The following ANKIB1 variants were observed in gnomAD, a reference collection of about 807,000 sequenced individuals.
ANKIB1 encodes the protein ankyrin repeat and IBR domain containing 1, also known as ankyrin repeat and IBR domain-containing protein 1.
ANKIB1 carries 43 observed loss-of-function variants against 122.1 expected under a neutral mutation model. That is an observed-to-expected ratio of 0.35 (90% CI 0.28 to 0.45). ANKIB1 has a LOEUF of 0.45. Among genes scored for constraint, ANKIB1 ranks in the 20% least tolerant of loss-of-function variants. The pLI is 1.00. For synonymous variants in ANKIB1, 390 were observed against 442.0 expected (o/e 0.88, Z 1.48); for missense variants, 992 against 1,329.5 (o/e 0.75, Z 3.95).
Position 92,371,570 on chromosome 7 carries a change from A to C in ANKIB1, c.1580A>C (p.Gln527Pro). The stretch of plus-strand genomic sequence containing the variant: ...TGTGCCAACTGTAAGTCTCCAATAC[A>C]GAAGAATGAAGGCTGCAATCACATG... ...KPCANCKSPI[Q>P]KNEGCNHMQC... Residue 527 changes from glutamine (Q) to proline (P), a missense_variant, in exon 11 of 20, where the codon CAG becomes CCG. Coordinates refer to ENST00000265742, the MANE Select transcript of ANKIB1 (RefSeq NM_019004.2). The C allele has an allele frequency of 6.2e-7, 1 of 1,605,468 alleles. No individual in the cohort carries two copies. Among genetic ancestry groups the C allele is most frequent in the Non-Finnish European group, 8.5e-7 (1 of 1,175,626 alleles).
chr7:92,277,100 G>C (rs1220556128), intron 1 of ANKIB1, among the ~76,000 whole-genome samples: 1 of 152,046 alleles, frequency 6.6e-6, no homozygotes, highest in East Asian at 1.9e-4. Flanking sequence ...TTTCCCTTCC[G>C]CCATGATTGT....
chr7:92,340,655 T>C (rs1043390592), intron 5 of ANKIB1, among the ~76,000 whole-genome samples: 6 of 152,242 alleles, frequency 3.9e-5, no homozygotes, highest in Non-Finnish European at 7.3e-5. Flanking sequence ...TATTAAAGTA[T>C]ACTGGATTTT....
At chr7:92,306,360 C>G (rs1802561879) in intron 2 of ANKIB1, among the ~76,000 whole-genome samples, 1 of 152,082 alleles carries the variant, frequency 6.6e-6, no homozygotes, top group South Asian at 2.1e-4. Flanking sequence ...CTAGGCACAA[C>G]TCTTAGATCT....
At chr7:92,346,567 A>G (rs1438678536) in intron 7 of ANKIB1, among the ~76,000 whole-genome samples, 3 of 152,352 alleles carry the variant, frequency 2.0e-5, no homozygotes, top group Admixed American at 6.5e-5. Context: ...GGATCAGATC[A>G]GTATAGCTGT....
intron 11 of ANKIB1, among the ~76,000 whole-genome samples, chr7:92,379,207 G>A (rs1221637547): frequency 1.3e-5 from 2 of 152,154 alleles, no homozygotes; most frequent in South Asian, 2.1e-4. Context: ...TGGCTAACAG[G>A]GTGAAACCCC....
At chr7:92,282,647 T>G (rs1802033733) in intron 1 of ANKIB1, among the ~76,000 whole-genome samples, 1 of 152,180 alleles carries the variant, frequency 6.6e-6, no homozygotes, top group Non-Finnish European at 1.5e-5. Flanking sequence ...AGCACCACAG[T>G]GTAAGAGCTT....
chr7:92,362,572 G>A (rs1404050503), intron 10 of ANKIB1, among the ~76,000 whole-genome samples: 3 of 152,072 alleles, frequency 2.0e-5, no homozygotes, highest in African/African-American at 7.2e-5. Flanking sequence ...TTTATCCTAG[G>A]GTGAGCCAAC....
At chr7:92,261,610 GA>G (rs1265612395) in intron 1 of ANKIB1, among the ~76,000 whole-genome samples, 1 of 152,090 alleles carries the variant, frequency 6.6e-6, no homozygotes, top group Non-Finnish European at 1.5e-5. Flanking sequence ...TATTCTCCAA[GA>G]AATGTTAATA....
chr7:92,392,545 T>A (rs567138344), intron 17 of ANKIB1, among the ~76,000 whole-genome samples: 1 of 152,116 alleles, frequency 6.6e-6, no homozygotes, highest in Non-Finnish European at 1.5e-5. Flanking sequence ...ATTTACAATA[T>A]ACATTTTTGG....
chr7:92,318,873 G>A (rs1287651064), intron 3 of ANKIB1, among the ~76,000 whole-genome samples: 1 of 152,132 alleles, frequency 6.6e-6, no homozygotes, highest in East Asian at 1.9e-4. Flanking sequence ...GTGTTTCACT[G>A]GATAATGAAT....
At chr7:92,339,270 C>T (rs912211999) in intron 5 of ANKIB1, among the ~76,000 whole-genome samples, 4 of 151,748 alleles carry the variant, frequency 2.6e-5, no homozygotes, top group African/African-American at 7.3e-5. Flanking sequence ...TCTTGATCTC[C>T]TGACCTGGTG....
chr7:92,396,624 T>G, intron 18 of ANKIB1, 148 bp downstream of exon 18: 1 of 597,140 alleles, frequency 1.7e-6, no homozygotes, highest in East Asian at 2.9e-5. Context: ...ACACAGAAAA[T>G]CAGAGGAGTT....
At chr7:92,309,484 A>G (rs541611974) in intron 3 of ANKIB1, among the ~76,000 whole-genome samples, 1 of 152,246 alleles carries the variant, frequency 6.6e-6, no homozygotes, top group Admixed American at 6.5e-5. Context: ...CTTTTTACAC[A>G]AGCTTCTCTG....
intron 5 of ANKIB1, among the ~76,000 whole-genome samples, chr7:92,340,606 T>C (rs1803417316): frequency 6.6e-6 from 1 of 152,340 alleles, no homozygotes; most frequent in South Asian, 2.1e-4. Flanking sequence ...GAAAAACCTC[T>C]GAGTTTCTAA....
chr7:92,310,546 G>A (rs1387020194), intron 3 of ANKIB1, among the ~76,000 whole-genome samples: 4 of 152,064 alleles, frequency 2.6e-5, no homozygotes, highest in African/African-American at 9.7e-5. Flanking sequence ...GCCTTATTTT[G>A]TTTTCTTGTA....
chr7:92,344,921 A>G, intron 6 of ANKIB1, 57 bp from the exon 7 acceptor site: 2 of 1,426,474 alleles, frequency 1.4e-6, no homozygotes, highest in Admixed American at 1.8e-5. Context: ...AACAAAATGT[A>G]TTGTTCTCTT....
intron 4 of ANKIB1, 132 bp downstream of exon 4, chr7:92,319,644 A>G (rs1802863328): frequency 1.1e-5 from 10 of 919,462 alleles, no homozygotes; most frequent in Admixed American, 5.9e-5. Context: ...TGTCATCTTC[A>G]TAGCCATAAA....
intron 1 of ANKIB1, among the ~76,000 whole-genome samples, chr7:92,286,180 T>C (rs1306374996): frequency 6.6e-6 from 1 of 152,194 alleles, no homozygotes; most frequent in Non-Finnish European, 1.5e-5. Flanking sequence ...CCAGCATGTG[T>C]ACCTTTTAGT....
intron 9 of ANKIB1, among the ~76,000 whole-genome samples, chr7:92,356,468 A>G (rs997086921): frequency 2.6e-5 from 4 of 152,244 alleles, no homozygotes; most frequent in East Asian, 1.9e-4. Flanking sequence ...TGGCAGTTCA[A>G]TCATAAGACC....
Sources: gnomAD v4.1 joint callset for allele counts (sites outside exome capture counted in the v4.1 genomes callset) on GRCh38, gnomAD v4.1.1 for gene constraint, MANE v1.5 for transcripts, NCBI Gene and HGNC (gene_info 2026-07-23, HGNC 2026-07-21) for gene names.